Variants in PKIG observed in about 807,000 individuals in gnomAD.
PKIG encodes cAMP-dependent protein kinase inhibitor gamma.
Under a neutral mutation model 6.8 loss-of-function variants are expected in PKIG, and 1 was observed. That is an observed-to-expected ratio of 0.15 (90% CI 0.05 to 0.69). PKIG has a LOEUF of 0.69. Ranked by LOEUF, PKIG falls within the 30% of genes least tolerant of loss-of-function variation. The probability of loss-of-function intolerance (pLI) is 0.82; values close to 1 mark genes in which losing one functional copy is unlikely to be tolerated. For missense variants in PKIG, 77 were observed against 104.0 expected, an observed-to-expected ratio of 0.74 and a Z score of 1.13; for synonymous variants, 39 against 43.0, an observed-to-expected ratio of 0.91 and a Z score of 0.36.
chr20:44,603,798 G>A lies in PKIG; in HGVS notation c.-23-10736G>A, dbSNP rs112487397. ...TCTCCCTGCTGGAGATAGGTCATGG[G>A]CTGTTGGAAGTAAAGGTTTAGAACT... On this transcript the variant is annotated intron_variant, in intron 2 of 3. Transcript: ENST00000372886. Among the ~76,000 whole-genome samples, 1,471 of 152,218 alleles carry A rather than the reference G, an allele frequency of 9.7e-3. 11 individuals carry two copies. The highest frequency in any genetic ancestry group is 0.017 in the Non-Finnish European group (1,178 of 68,028).
chr20:44,596,397 A>G (rs539933667), intron 2 of PKIG, among the ~76,000 whole-genome samples: 1 of 152,376 alleles, frequency 6.6e-6, no homozygotes, highest in Non-Finnish European at 1.5e-5. Flanking sequence ...GACTGTTTAC[A>G]GGGGGCTGGC....
chr20:44,554,097 A>G (rs1297227760), intron 1 of PKIG, among the ~76,000 whole-genome samples: 1 of 151,926 alleles, frequency 6.6e-6, no homozygotes, highest in Non-Finnish European at 1.5e-5. Flanking sequence ...TTTGAGACAG[A>G]ATCTTGCTCT....
In PKIG at chr20:44,618,899, CTG is replaced by C. The variant is rs2065297692; in HGVS notation, c.*536_*537del. ...TTAGCTAAACTGTCATTGTGCATCT[CTG>C]AGGTTCCCTCATGGAGCTCCACAGA... On this transcript the variant is annotated 3_prime_UTR_variant, in exon 4 of 4. Transcript: ENST00000372886. 6.3e-6 allele frequency: 1 copy of C among 157,506 alleles called. No individual in the cohort carries two copies. The highest frequency in any genetic ancestry group is 1.9e-4 in the South Asian group (1 of 5,286). 9.8% of individuals were successfully genotyped at this position (157,506 alleles called of 1,614,324 possible).
intron 2 of PKIG, among the ~76,000 whole-genome samples, chr20:44,602,037 C>T (rs244092): frequency 0.23 from 34,660 of 152,152 alleles, 5,256 homozygotes; most frequent in African/African-American, 0.43. Context: ...CCCCAAAAGG[C>T]CTGGGGACAG....
At chr20:44,565,587 C>T (rs950761894) in intron 1 of PKIG, among the ~76,000 whole-genome samples, 3 of 152,228 alleles carry the variant, frequency 2.0e-5, no homozygotes, top group Admixed American at 1.3e-4. Flanking sequence ...TGTCCCATAA[C>T]AGTCCTAGAA....
At chr20:44,543,314 A>G (rs1204077185) in intron 1 of PKIG, among the ~76,000 whole-genome samples, 2 of 152,232 alleles carry the variant, frequency 1.3e-5, no homozygotes, top group Admixed American at 6.5e-5. Flanking sequence ...TTATACAGTA[A>G]ACTTTTTTTT....
At chr20:44,551,575 T>C (rs1306486764) in intron 1 of PKIG, among the ~76,000 whole-genome samples, 1 of 152,224 alleles carries the variant, frequency 6.6e-6, no homozygotes, top group Non-Finnish European at 1.5e-5. Context: ...TTTAACATCT[T>C]GGTCTCTACC....
chr20:44,552,699 A>G (rs1396050419), intron 1 of PKIG, among the ~76,000 whole-genome samples: 2 of 152,212 alleles, frequency 1.3e-5, no homozygotes, highest in Non-Finnish European at 2.9e-5. Context: ...GGATTGTTGT[A>G]AAGTTTAAAG....
chr20:44,613,909 C>T (rs1167002647), intron 2 of PKIG, among the ~76,000 whole-genome samples: 1 of 152,236 alleles, frequency 6.6e-6, no homozygotes, highest in Non-Finnish European at 1.5e-5. Context: ...CCTCTTCTGC[C>T]ATGCTCCCGC....
chr20:44,594,793 G>T (rs2065061786), intron 2 of PKIG, among the ~76,000 whole-genome samples: 4 of 151,732 alleles, frequency 2.6e-5, no homozygotes, highest in African/African-American at 9.7e-5. Flanking sequence ...TCCCTTTTTT[G>T]GCCTCTACTC....
intron 1 of PKIG, among the ~76,000 whole-genome samples, chr20:44,571,775 A>G (rs550858549): frequency 4.6e-4 from 70 of 152,356 alleles, no homozygotes; most frequent in African/African-American, 1.4e-3. Flanking sequence ...AAGGCTCTGC[A>G]CATATGTTTG....
intron 1 of PKIG, among the ~76,000 whole-genome samples, chr20:44,544,041 G>A (rs2064587739): frequency 6.7e-6 from 1 of 148,748 alleles, no homozygotes; most frequent in African/African-American, 2.5e-5. Flanking sequence ...TCCGACCTGG[G>A]CAACAAGAGC....
intron 1 of PKIG, among the ~76,000 whole-genome samples, chr20:44,539,176 G>A (rs1335240709): frequency 2.6e-5 from 4 of 152,034 alleles, no homozygotes; most frequent in East Asian, 3.9e-4. Context: ...TGATCTGCCC[G>A]CCCACCTCAG....
upstream of PKIG, among the ~76,000 whole-genome samples, chr20:44,579,929 C>A (rs146916255): frequency 5.0e-3 from 765 of 152,284 alleles, 3 homozygotes; most frequent in African/African-American, 0.017. Context: ...AAACAATAGC[C>A]CTGACCTCCA....
Position 44,614,700 on chromosome 20 carries a change from G to A in PKIG, c.144G>A (p.Glu48=), listed in dbSNP as rs371533739. ...GAGACATGGGCGAGCTGGCACTCGAGGGGGCAGGTTAGAGCCAGCAGGTCC... is the reference window on the plus strand; with the variant it reads ...GAGACATGGGCGAGCTGGCACTCGAAGGGGCAGGTTAGAGCCAGCAGGTCC... ...LAGDMGELAL[E]GAEGQVEGSA... Residue 48 remains glutamate, a synonymous_variant, in exon 3 of 4, where the codon GAG becomes GAA. Transcript: ENST00000372886. This position sits in a 1 kb window ranked among gnomAD's most constrained non-coding sequence, Gnocchi z 4.6. 44 of 1,613,612 alleles carry A rather than the reference G, an allele frequency of 2.7e-5. No homozygotes were observed. The African/African-American group carries it at 4.9e-4, about 18-fold the overall frequency.
chr20:44,596,028 A>G (rs1021286062), intron 2 of PKIG, among the ~76,000 whole-genome samples: 1 of 152,172 alleles, frequency 6.6e-6, no homozygotes, highest in African/African-American at 2.4e-5. Context: ...TTATTTGGTC[A>G]GGAGCCAGGA....
chr20:44,559,124 A>C (rs1169372030), intron 1 of PKIG, among the ~76,000 whole-genome samples: 1 of 152,176 alleles, frequency 6.6e-6, no homozygotes, highest in Non-Finnish European at 1.5e-5. Context: ...TTAAAAAATA[A>C]TTAAAGTTTT....
intron 2 of PKIG, among the ~76,000 whole-genome samples, chr20:44,610,500 T>A (rs546241032): frequency 0.021 from 2,889 of 135,228 alleles, 101 homozygotes; most frequent in African/African-American, 0.069. Flanking sequence ...TCTCTCTCTC[T>A]CACACACACA....
chr20:44,593,404 C>T (rs2065050360), intron 2 of PKIG, among the ~76,000 whole-genome samples: 1 of 148,658 alleles, frequency 6.7e-6, no homozygotes, highest in Non-Finnish European at 1.5e-5. Flanking sequence ...CACACACACA[C>T]ACACACACGA....
Sources: allele counts gnomAD v4.1 joint callset (sites outside exome capture counted in the v4.1 genomes callset), GRCh38; gene constraint gnomAD v4.1.1; non-coding constraint Gnocchi (gnomAD v3.1); transcripts MANE v1.5; gene names NCBI Gene and HGNC (gene_info 2026-07-23, HGNC 2026-07-21).